The following RNF111 variants were observed in gnomAD, a reference collection of about 807,000 sequenced individuals.
The protein encoded by RNF111 is ring finger protein 111, also known as E3 ubiquitin-protein ligase Arkadia.
Under a neutral mutation model 95.1 loss-of-function variants are expected in RNF111, and 17 were observed. The observed-to-expected ratio is 0.18, with a 90% confidence interval of 0.12 to 0.27. The LOEUF (loss-of-function observed/expected upper bound fraction) is 0.27. RNF111 is among the 10% of genes least tolerant of loss of function. The pLI is 1.00. For synonymous variants in RNF111, 440 were observed against 414.8 expected, an observed-to-expected ratio of 1.06 and a Z score of -0.74; for missense variants, 1,189 against 1,210.4, an observed-to-expected ratio of 0.98 and a Z score of 0.26.
intron 6 of RNF111, among the ~76,000 whole-genome samples, chr15:59,074,455 G>A (rs1395894415): frequency 1.3e-5 from 2 of 152,204 alleles, no homozygotes; most frequent in Non-Finnish European, 2.9e-5. Context: ...ATCAGCACTT[G>A]CTGCTTCTCC....
At chr15:59,054,529 A>G (rs1438377144) in intron 3 of RNF111, among the ~76,000 whole-genome samples, 4 of 152,178 alleles carry the variant, frequency 2.6e-5, no homozygotes, top group Non-Finnish European at 5.9e-5. Flanking sequence ...TTCCTCATAC[A>G]AAACCATTTT....
chr15:59,052,234 A>C (rs1342709147), intron 2 of RNF111, 71 bp from the exon 3 acceptor site: 5 of 1,355,960 alleles, frequency 3.7e-6, no homozygotes, highest in Non-Finnish European at 3.9e-6. Context: ...TTCAAAGTCA[A>C]AATAAAAATT....
intron 3 of RNF111, among the ~76,000 whole-genome samples, chr15:59,053,562 T>C (rs1325884472): frequency 1.3e-5 from 2 of 152,240 alleles, no homozygotes; most frequent in East Asian, 1.9e-4. Context: ...TCTAAAGGCA[T>C]GGAAGTGAGC....
At chr15:59,084,277 A>G (rs1366181596) in intron 9 of RNF111, 23 bp downstream of exon 9, 2 of 1,558,080 alleles carry the variant, frequency 1.3e-6, no homozygotes. Flanking sequence ...TTTAATTTCA[A>G]AACAGTGCTT....
chr15:59,062,751 G>C (rs1054174395), intron 5 of RNF111, among the ~76,000 whole-genome samples: 2 of 152,152 alleles, frequency 1.3e-5, no homozygotes. Context: ...ATATGATAGT[G>C]GAGCAAGAAT....
At chr15:59,062,269 C>T (rs571819979) in intron 5 of RNF111, among the ~76,000 whole-genome samples, 5 of 152,194 alleles carry the variant, frequency 3.3e-5, no homozygotes, top group East Asian at 3.9e-4. Flanking sequence ...TCTCGAACTC[C>T]TGGACTCAGG....
At chr15:59,091,537 T>C (rs1449393182) in intron 12 of RNF111, among the ~76,000 whole-genome samples, 1 of 152,256 alleles carries the variant, frequency 6.6e-6, no homozygotes, top group Non-Finnish European at 1.5e-5. Flanking sequence ...TTATTTTTAA[T>C]AGCTTATGCA....
At chr15:58,989,069 A>AT (rs1475790297) in intron 1 of RNF111, among the ~76,000 whole-genome samples, 1 of 152,018 alleles carries the variant, frequency 6.6e-6, no homozygotes, top group African/African-American at 2.4e-5. Flanking sequence ...TGTGTGTGTG[A>AT]TGGTTGTAAA....
At chr15:59,062,363 A>C (rs146698486) in intron 5 of RNF111, among the ~76,000 whole-genome samples, 1 of 151,918 alleles carries the variant, frequency 6.6e-6, no homozygotes, top group Admixed American at 6.6e-5. Flanking sequence ...TTCATATCCA[A>C]TTGCTTCTTG....
At chr15:59,065,864 AGCCAGGCGTGGTGGTGTGT>A (rs1379357336) in intron 5 of RNF111, among the ~76,000 whole-genome samples, 3 of 152,140 alleles carry the variant, frequency 2.0e-5, no homozygotes, top group Non-Finnish European at 4.4e-5. Context: ...TACAAAAATT[AGCCAGGCGTGGTGGTGTGT>A]GCCTATGGTC....
chr15:59,050,677 A>T (rs1361979406), intron 2 of RNF111, among the ~76,000 whole-genome samples: 1 of 152,236 alleles, frequency 6.6e-6, no homozygotes, highest in African/African-American at 2.4e-5. Context: ...AAGAGCTATA[A>T]CACCTGTAAA....
chr15:59,095,007 T>C lies in RNF111; in HGVS notation c.*107T>C. 1 of 765,548 alleles carries C rather than the reference T, an allele frequency of 1.3e-6. No individual in the cohort carries two copies. The highest frequency in any genetic ancestry group is 2.4e-6 in the Non-Finnish European group (1 of 422,828). The allele number at this position is 765,548 out of a possible 1,614,324, so 47.4% of individuals were successfully genotyped here. On this transcript the variant is annotated 3_prime_UTR_variant, in exon 14 of 14. Transcript: ENST00000348370. ...CTGCGCAGATTTGGAAGCATTGAAC[T>C]TAGAGTGCTGGCTCTGCTATATGGT...
rs1394282209 is a variant in RNF111 at position 59,031,461 on chromosome 15, A to G, written c.639A>G (p.Arg213=). ...GTTCGTTACGGAGACTTCCATGCAG[A>G]AAGAGATTTGTAAAAAATAATTCCT... ...HGSSLRRLPC[R]KRFVKNNSSQ... The change falls in exon 2 of 14, where the codon AGA becomes AGG. Residue 213 remains arginine (R), a synonymous_variant. Coordinates refer to ENST00000348370, the MANE Select transcript of RNF111 (RefSeq NM_017610.8). The G allele has an allele frequency of 1.9e-6, 3 of 1,614,234 alleles. No homozygotes were observed. Among genetic ancestry groups the G allele is most frequent in the East Asian group, 2.2e-5 (1 of 44,888 alleles).
chr15:59,067,847 A>G (rs1051343402), intron 6 of RNF111, among the ~76,000 whole-genome samples: 6 of 152,198 alleles, frequency 3.9e-5, no homozygotes, highest in African/African-American at 1.4e-4. Flanking sequence ...TCATCTAAAA[A>G]TAAACAGCCT....
At chr15:59,029,429 G>A (rs1198374318) in intron 1 of RNF111, among the ~76,000 whole-genome samples, 2 of 152,190 alleles carry the variant, frequency 1.3e-5, no homozygotes, top group Non-Finnish European at 2.9e-5. Flanking sequence ...AGCGCGTGAT[G>A]GCTGATCTTG....
At chr15:59,048,835 C>A (rs1306195229) in intron 2 of RNF111, among the ~76,000 whole-genome samples, 2 of 151,952 alleles carry the variant, frequency 1.3e-5, no homozygotes, top group Non-Finnish European at 2.9e-5. Context: ...TACTTGTAAC[C>A]CCAGCACTTT....
intron 4 of RNF111, 142 bp from the exon 5 acceptor site, chr15:59,058,214 C>G: frequency 1.5e-6 from 1 of 670,058 alleles, no homozygotes. Context: ...TTTGTGAACG[C>G]TTTCTTTACC....
At chr15:58,990,796 T>A (rs1279410987) in intron 1 of RNF111, among the ~76,000 whole-genome samples, 5 of 152,260 alleles carry the variant, frequency 3.3e-5, no homozygotes, top group Admixed American at 1.3e-4. Flanking sequence ...GGTAACATTT[T>A]AAAAATCATC....
Position 59,055,744 on chromosome 15 carries a change from G to A in RNF111, c.1070G>A (p.Ser357Asn). The change falls in exon 4 of 14, where the codon AGT (serine) becomes AAT (asparagine). Residue 357 changes from serine (S) to asparagine (N), a missense_variant. This residue lies in a region of RNF111 where 1,024 missense variants were observed against 925.9 expected (regional missense o/e 1.11). Transcript: ENST00000348370. ...AGCCAGGGTTCCAGTTCTCATGCAA[G>A]TCGGCCACAGGAGCCACGGAACCGC... ...HWSQGSSSHASRPQEPRNRSR... is the reference protein window; with the variant it reads ...HWSQGSSSHANRPQEPRNRSR... 9 of 1,613,896 alleles carry A rather than the reference G, an allele frequency of 5.6e-6. No individual in the cohort carries two copies. The South Asian group carries it at 9.9e-5, about 18-fold the overall frequency.
Sources: allele counts gnomAD v4.1 joint callset (sites outside exome capture counted in the v4.1 genomes callset), GRCh38; gene constraint gnomAD v4.1.1; regional missense constraint gnomAD v4.1.1; transcripts MANE v1.5; gene names NCBI Gene and HGNC (gene_info 2026-07-23, HGNC 2026-07-21).